The following CLEC4D variants were observed in gnomAD, a reference collection of about 807,000 sequenced individuals.
CLEC4D encodes the protein C-type lectin domain family 4 member D.
A neutral mutation model predicts 21.1 loss-of-function variants in CLEC4D; 21 were observed. That is an observed-to-expected ratio of 1.00 (90% CI 0.71 to 1.43). The LOEUF is 1.43. CLEC4D is among the 40% of genes most tolerant of loss of function. The pLI is 0.00. For missense variants in CLEC4D, 289 were observed against 260.7 expected, an observed-to-expected ratio of 1.11 and a Z score of -0.75; for synonymous variants, 85 against 83.1, an observed-to-expected ratio of 1.02 and a Z score of -0.12.
At chr12:8,528,715 A>G in the CLEC4D span, among the ~76,000 whole-genome samples, 8 of 152,170 alleles carry the variant, frequency 5.3e-5, no homozygotes, top group Admixed American at 5.2e-4. Flanking sequence ...AAACATTAGT[A>G]AACGTAGAAG....
At position 8,521,394 on chromosome 12, in the gene CLEC4D, A is replaced by G. The variant is rs1210695546; in HGVS notation, c.*123A>G. ...GGTTCATACAGCGTTTTTAGTCATA[A>G]TGGTCTTTTTTATTTTGTTTGATTC... On this transcript the variant is annotated 3_prime_UTR_variant, in exon 6 of 6. Transcript: ENST00000299665. 1 of 1,447,550 alleles carries G rather than the reference A, an allele frequency of 6.9e-7. No individual in the cohort carries two copies. The highest frequency in any genetic ancestry group is 9.1e-7 in the Non-Finnish European group (1 of 1,103,914). 89.7% of individuals were successfully genotyped at this position (1,447,550 alleles called of 1,614,324 possible).
chr12:8,531,308 T>G, the CLEC4D span, among the ~76,000 whole-genome samples: 1 of 152,220 alleles, frequency 6.6e-6, no homozygotes, highest in Non-Finnish European at 1.5e-5. Context: ...CACCTTGCTC[T>G]GCTCCACCCA....
the CLEC4D span, among the ~76,000 whole-genome samples, chr12:8,531,388 C>G: frequency 1.3e-5 from 2 of 152,146 alleles, no homozygotes; most frequent in African/African-American, 4.8e-5. Context: ...AACAGGAGAG[C>G]AAAAACATTT....
At position 8,522,037 on chromosome 12, in the gene CLEC4D, A is replaced by G. The variant is rs996788627; in HGVS notation, c.*766A>G. 3.9e-5 allele frequency: 6 copies of G among 152,172 alleles called. No homozygotes were observed. Among genetic ancestry groups the G allele is most frequent in the Non-Finnish European group, 7.4e-5 (5 of 67,992 alleles). The allele number at this position is 152,172 out of a possible 1,614,324, so 9.4% of individuals were successfully genotyped here. On this transcript the variant is annotated 3_prime_UTR_variant, in exon 6 of 6. Transcript: ENST00000299665. ...ATGACAGACCCAGGTGTGCTTCATT[A>G]GAGATAACATACATTCCCTTTGGTA...
the CLEC4D span, among the ~76,000 whole-genome samples, chr12:8,530,964 T>C: frequency 6.6e-6 from 1 of 152,224 alleles, no homozygotes; most frequent in Non-Finnish European, 1.5e-5. Context: ...GCTCTACCTC[T>C]CCATCCTGTG....
intron 2 of CLEC4D, among the ~76,000 whole-genome samples, chr12:8,515,928 T>C (rs748947418): frequency 1.4e-4 from 21 of 152,084 alleles, no homozygotes; most frequent in African/African-American, 4.3e-4. Flanking sequence ...ACAAATAGAC[T>C]AGAGGAAAAT....
chr12:8,518,780 A>C (rs1159236415), intron 3 of CLEC4D, among the ~76,000 whole-genome samples: 2 of 152,246 alleles, frequency 1.3e-5, no homozygotes, highest in African/African-American at 4.8e-5. Flanking sequence ...CTTCTAAGGC[A>C]ATATTTTGTG....
At chr12:8,525,294 T>G (rs1428418690), downstream of CLEC4D, among the ~76,000 whole-genome samples, 3 of 152,144 alleles carry the variant, frequency 2.0e-5, no homozygotes, top group Non-Finnish European at 1.5e-5. Flanking sequence ...ATATTGACAG[T>G]GGGGTGTTAA....
the CLEC4D span, among the ~76,000 whole-genome samples, chr12:8,529,768 T>C: frequency 3.3e-5 from 5 of 152,346 alleles, no homozygotes; most frequent in South Asian, 6.2e-4. Context: ...TAAATGATTA[T>C]ATAGTGATAG....
chr12:8,515,931 A>G (rs1287643282), intron 2 of CLEC4D, among the ~76,000 whole-genome samples: 2 of 152,164 alleles, frequency 1.3e-5, no homozygotes, highest in African/African-American at 4.8e-5. Context: ...AATAGACTAG[A>G]GGAAAATAAA....
rs1176177403 is a variant in CLEC4D at position 8,521,965 on chromosome 12, A to G, written c.*694A>G. ...GTCCTTCAATTCTACAGCAGAGGAA[A>G]TAAAATCCCCCAGAAGCCAAAGGGC... On this transcript the variant is annotated 3_prime_UTR_variant, in exon 6 of 6. Transcript: ENST00000299665. 1.3e-5 allele frequency: 2 copies of G among 152,146 alleles called. No homozygotes were observed. The highest frequency in any genetic ancestry group is 4.8e-5 in the African/African-American group (2 of 41,450). The allele number at this position is 152,146 out of a possible 1,614,324, so 9.4% of individuals were successfully genotyped here.
At position 8,519,175 on chromosome 12, in the gene CLEC4D, T is replaced by A. The variant is rs1475564778; in HGVS notation, c.384+15T>A. On this transcript the variant is annotated intron_variant, in intron 4 of 5. Coordinates refer to ENST00000299665, the MANE Select transcript of CLEC4D (RefSeq NM_080387.5). Reference sequence around the variant, plus strand: ...AAGCTGAGCAGGTGTGTTGGGAGGATCACATCAGTTTCTCTGCTGCTTTGA... The same window carrying A: ...AAGCTGAGCAGGTGTGTTGGGAGGAACACATCAGTTTCTCTGCTGCTTTGA... 1 of 1,608,532 alleles carries A rather than the reference T, an allele frequency of 6.2e-7. No homozygotes were observed.
At position 8,521,432 on chromosome 12, in the gene CLEC4D, A is replaced by G. The variant is rs1940458302; in HGVS notation, c.*161A>G. On this transcript the variant is annotated 3_prime_UTR_variant, in exon 6 of 6. Coordinates refer to ENST00000299665, the MANE Select transcript of CLEC4D (RefSeq NM_080387.5). ...TTTTGTTTGATTCATTCGAGACAAC[A>G]TGTGTGTATGTGTGTGTGTGTGTGT... The G allele has an allele frequency of 2.9e-6, 4 of 1,364,324 alleles. No individual in the cohort carries two copies. Among genetic ancestry groups the G allele is most frequent in the East Asian group, 2.6e-5 (1 of 38,238 alleles). The allele number at this position is 1,364,324 out of a possible 1,614,324, so 84.5% of individuals were successfully genotyped here. A position where few individuals can be genotyped will look rare whatever the true frequency, so the allele number is the denominator to read the frequency against.
chr12:8,528,503 C>T, the CLEC4D span, among the ~76,000 whole-genome samples: 1 of 152,254 alleles, frequency 6.6e-6, no homozygotes, highest in Non-Finnish European at 1.5e-5. Flanking sequence ...AATACACATC[C>T]ATAGTCTCTT....
At chr12:8,530,607 A>G in the CLEC4D span, among the ~76,000 whole-genome samples, 37 of 152,182 alleles carry the variant, frequency 2.4e-4, no homozygotes, top group Middle Eastern at 3.2e-3. Flanking sequence ...CAAATTATCA[A>G]AAAAACTAGT....
downstream of CLEC4D, among the ~76,000 whole-genome samples, chr12:8,527,281 G>A (rs376773997): frequency 4.0e-4 from 61 of 152,336 alleles, no homozygotes; most frequent in African/African-American, 1.3e-3. Flanking sequence ...GGATTCCTCA[G>A]AACTACCAGG....
At chr12:8,514,322 C>T (rs958671648) in intron 1 of CLEC4D, among the ~76,000 whole-genome samples, 10 of 151,964 alleles carry the variant, frequency 6.6e-5, no homozygotes, top group Non-Finnish European at 1.2e-4. Flanking sequence ...AGATTTTTTG[C>T]ATCAATATAT....
At chr12:8,523,867 C>T (rs368772258), downstream of CLEC4D, among the ~76,000 whole-genome samples, 4 of 152,042 alleles carry the variant, frequency 2.6e-5, no homozygotes, top group Admixed American at 1.3e-4. Context: ...ATTTGAGATA[C>T]GTTCCATCAA....
chr12:8,524,987 A>G (rs1029790874), downstream of CLEC4D, among the ~76,000 whole-genome samples: 7 of 151,928 alleles, frequency 4.6e-5, no homozygotes, highest in Non-Finnish European at 1.0e-4. Context: ...AGTTTGTTCA[A>G]TTTTCTTGAA....
Sources: allele counts gnomAD v4.1 joint callset (sites outside exome capture counted in the v4.1 genomes callset), GRCh38; gene constraint gnomAD v4.1.1; transcripts MANE v1.5; gene names NCBI Gene and HGNC (gene_info 2026-07-23, HGNC 2026-07-21).